Variants in CDYL2 observed in about 807,000 individuals in gnomAD.
The protein encoded by CDYL2 is chromodomain Y-like protein 2.
In CDYL2, 23 loss-of-function variants were observed where a neutral mutation model predicts 49.4. The observed-to-expected ratio is 0.47, with a 90% CI of 0.34 to 0.66. The LOEUF (loss-of-function observed/expected upper bound fraction) is 0.66. Among genes scored for constraint, CDYL2 ranks in the 30% least tolerant of loss-of-function variants. CDYL2 has a pLI of 0.01. For synonymous variants in CDYL2, 360 were observed against 268.8 expected (o/e 1.34, Z -3.32); for missense variants, 678 against 656.4 (o/e 1.03, Z -0.36).
chr16:80,647,912 T>G (rs1908421302), intron 2 of CDYL2, among the ~76,000 whole-genome samples: 1 of 152,014 alleles, frequency 6.6e-6, no homozygotes, highest in South Asian at 2.1e-4. Context: ...TTAAACAATA[T>G]GCTACTGAAT....
chr16:80,790,611 C>T (rs1907578280), intron 1 of CDYL2, among the ~76,000 whole-genome samples: 1 of 152,174 alleles, frequency 6.6e-6, no homozygotes, highest in Non-Finnish European at 1.5e-5. Flanking sequence ...AATATCAAGA[C>T]ATTCAAATTT....
At chr16:80,630,822 G>A (rs1907527832) in intron 3 of CDYL2, among the ~76,000 whole-genome samples, 1 of 152,032 alleles carries the variant, frequency 6.6e-6, no homozygotes, top group African/African-American at 2.4e-5. Context: ...TAATAATAAT[G>A]CAATCACAAA....
intron 1 of CDYL2, among the ~76,000 whole-genome samples, chr16:80,687,660 T>G (rs902661614): frequency 6.6e-6 from 1 of 152,132 alleles, no homozygotes; most frequent in Non-Finnish European, 1.5e-5. Context: ...TAGATGACAC[T>G]TATCAAAATG....
Position 80,602,692 on chromosome 16 carries a change from T to C in CDYL2, c.*1696A>G, listed in dbSNP as rs1284170586. On this transcript the variant is annotated 3_prime_UTR_variant, in exon 7 of 7. Transcript: ENST00000570137. ...CTTCTTGCTGCCTTATTCCACTCTC[T>C]TCAAAGAAGGGCCAAGAAAGGCTGG... 1 of 151,988 alleles carries C rather than the reference T, an allele frequency of 6.6e-6. No homozygotes were observed. Among genetic ancestry groups the C allele is most frequent in the African/African-American group, 2.4e-5 (1 of 41,336 alleles). The allele number at this position is 151,988 out of a possible 1,614,324, so 9.4% of individuals were successfully genotyped here. A position where few individuals can be genotyped will look rare whatever the true frequency, so the allele number is the denominator to read the frequency against.
At chr16:80,754,248 G>T (rs1395978781) in intron 1 of CDYL2, among the ~76,000 whole-genome samples, 1 of 152,152 alleles carries the variant, frequency 6.6e-6, no homozygotes, top group Admixed American at 6.5e-5. Context: ...CAAAGGAGGT[G>T]AAAATATCAT....
At chr16:80,733,676 G>A (rs896481956) in intron 1 of CDYL2, among the ~76,000 whole-genome samples, 5 of 152,148 alleles carry the variant, frequency 3.3e-5, no homozygotes, top group Non-Finnish European at 7.4e-5. Flanking sequence ...TCACCACAAA[G>A]GAAGCTGCCC....
intron 1 of CDYL2, among the ~76,000 whole-genome samples, chr16:80,785,259 A>G (rs1907397641): frequency 6.6e-6 from 1 of 152,238 alleles, no homozygotes; most frequent in Non-Finnish European, 1.5e-5. Context: ...AAGCAACTTC[A>G]GCAAAGTCTC....
intron 1 of CDYL2, among the ~76,000 whole-genome samples, chr16:80,803,749 T>G: frequency 7.5e-6 from 1 of 132,736 alleles, no homozygotes; most frequent in Non-Finnish European, 1.6e-5. Context: ...CCCCCCGCAT[T>G]CCCAGCACGT....
At chr16:80,705,148 A>T (rs1904362489) in intron 1 of CDYL2, among the ~76,000 whole-genome samples, 1 of 152,232 alleles carries the variant, frequency 6.6e-6, no homozygotes, top group South Asian at 2.1e-4. Flanking sequence ...AATGCCCACC[A>T]GGGCAGAAGG....
chr16:80,685,245 G>C (rs932569064), intron 1 of CDYL2, 116 bp from the exon 2 acceptor site: 2 of 766,652 alleles, frequency 2.6e-6, no homozygotes, highest in East Asian at 2.5e-5. Context: ...CTAGCCAGGG[G>C]GTGAGCCACG....
At chr16:80,691,073 G>A (rs1910396038) in intron 1 of CDYL2, among the ~76,000 whole-genome samples, 1 of 152,034 alleles carries the variant, frequency 6.6e-6, no homozygotes, top group South Asian at 2.1e-4. Flanking sequence ...AAAAAGAACA[G>A]AGAAAGAAGA....
In CDYL2 at chr16:80,603,372, T is replaced by A. The variant is rs1233095555; in HGVS notation, c.*1016A>T. ...GATCATTCAGGCTAAGAGGGCCCTT[T>A]AACTCCTTAAAGACAGCAGAGGGAA... On this transcript the variant is annotated 3_prime_UTR_variant, in exon 7 of 7. Coordinates refer to ENST00000570137, the MANE Select transcript of CDYL2 (RefSeq NM_152342.4). 1 of 152,218 alleles carries A rather than the reference T, an allele frequency of 6.6e-6. No homozygotes were observed. Among genetic ancestry groups the A allele is most frequent in the Non-Finnish European group, 1.5e-5 (1 of 68,044 alleles). The allele number at this position is 152,218 out of a possible 1,614,324, so 9.4% of individuals were successfully genotyped here.
chr16:80,652,420 T>C (rs1908623468), intron 2 of CDYL2, among the ~76,000 whole-genome samples: 1 of 152,114 alleles, frequency 6.6e-6, no homozygotes, highest in Non-Finnish European at 1.5e-5. Context: ...AAAATTACCA[T>C]CCATGAGTCC....
At position 80,804,438 on chromosome 16, in the gene CDYL2, G is replaced by A. The variant is rs866183901; in HGVS notation, c.-265C>T. ...CGGCACGAGCGCGGGCAGCAGCGAC[G>A]GCCGCGCAGCGCGCCCGGGAGGCAC... On this transcript the variant is annotated 5_prime_UTR_variant, in exon 1 of 7. Transcript: ENST00000570137. 1,480 of 147,686 alleles carry A rather than the reference G, an allele frequency of 0.01. 22 individuals are homozygous for A. The highest frequency in any genetic ancestry group is 0.034 in the African/African-American group (1,385 of 40,622). 9.1% of individuals were successfully genotyped at this position (147,686 alleles called of 1,614,324 possible). A position where few individuals can be genotyped will look rare whatever the true frequency, so the allele number is the denominator to read the frequency against.
At chr16:80,697,057 A>T (rs1904279322) in intron 1 of CDYL2, among the ~76,000 whole-genome samples, 1 of 152,202 alleles carries the variant, frequency 6.6e-6, no homozygotes, top group Non-Finnish European at 1.5e-5. Flanking sequence ...GGAGGGAATT[A>T]TTCCAAACTC....
chr16:80,793,235 G>A (rs1907665123), intron 1 of CDYL2, among the ~76,000 whole-genome samples: 2 of 152,200 alleles, frequency 1.3e-5, no homozygotes, highest in African/African-American at 4.8e-5. Flanking sequence ...AAACCACAGG[G>A]CGGTCTTTGT....
intron 1 of CDYL2, among the ~76,000 whole-genome samples, chr16:80,690,750 C>G (rs1910384184): frequency 6.6e-6 from 1 of 152,196 alleles, no homozygotes; most frequent in African/African-American, 2.4e-5. Context: ...CTTTCCATCA[C>G]TTCGGATTAG....
intron 1 of CDYL2, among the ~76,000 whole-genome samples, chr16:80,784,578 G>C (rs1037928182): frequency 8.5e-5 from 13 of 152,184 alleles, no homozygotes; most frequent in African/African-American, 3.1e-4. Context: ...ATCAGGGTAA[G>C]AGCAGGAAAA....
intron 1 of CDYL2, among the ~76,000 whole-genome samples, chr16:80,769,832 T>C (rs982893598): frequency 2.0e-5 from 3 of 152,170 alleles, no homozygotes; most frequent in African/African-American, 7.2e-5. Flanking sequence ...CATTTCCTAG[T>C]ACTAAAAACA....
Sources: allele counts gnomAD v4.1 joint callset (sites outside exome capture counted in the v4.1 genomes callset), GRCh38; gene constraint gnomAD v4.1.1; transcripts MANE v1.5; gene names NCBI Gene and HGNC (gene_info 2026-07-23, HGNC 2026-07-21).